The following PRH1 variants were observed in gnomAD, a reference collection of about 807,000 sequenced individuals.
The protein encoded by PRH1 is salivary acidic proline-rich phosphoprotein 1/2.
PRH1 carries 7 observed loss-of-function variants against 7.9 expected under a neutral mutation model. The ratio of observed to expected loss-of-function variants is 0.89; its 90% CI spans 0.50 to 1.67. The LOEUF (loss-of-function observed/expected upper bound fraction) is 1.67. Ranked by LOEUF, PRH1 falls within the 40% of genes most tolerant of loss-of-function variation. PRH1 has a pLI of 0.00. For missense variants in PRH1, 109 were observed against 223.6 expected (o/e 0.49, Z 3.27); for synonymous variants, 45 against 80.8 (o/e 0.56, Z 2.38).
At chr12:11,005,760 T>G (rs912181986) in intron 1 of PRH1, among the ~76,000 whole-genome samples, 1 of 152,102 alleles carries the variant, frequency 6.6e-6, no homozygotes, top group Non-Finnish European at 1.5e-5. Context: ...CCCTTTTCAG[T>G]CAATTTTCAA....
At chr12:11,030,938 A>G in intron 1 of PRH1, 3 of 1,614,294 alleles carry the variant, frequency 1.9e-6, no homozygotes, top group Non-Finnish European at 2.5e-6. Context: ...AGGCCCCAAC[A>G]GCATCACCAG....
chr12:10,991,409 G>C (rs1018025772), intron 1 of PRH1, among the ~76,000 whole-genome samples: 1 of 151,528 alleles, frequency 6.6e-6, no homozygotes, highest in African/African-American at 2.4e-5. Flanking sequence ...AATCTACATG[G>C]CTATTTTAAA....
At chr12:10,927,188 A>G (rs1420835359) in intron 2 of PRH1, among the ~76,000 whole-genome samples, 1 of 152,198 alleles carries the variant, frequency 6.6e-6, no homozygotes, top group East Asian at 1.9e-4. Context: ...TCTGCTGCCA[A>G]GGAGAAATCT....
chr12:10,999,751 G>A (rs11054146), intron 1 of PRH1, among the ~76,000 whole-genome samples: 46,296 of 151,852 alleles, frequency 0.3, 8,908 homozygotes, highest in East Asian at 0.74. Flanking sequence ...TACTTTACCA[G>A]CTAGGTTCAC....
At chr12:10,975,368 A>G (rs1939039026) in intron 1 of PRH1, among the ~76,000 whole-genome samples, 1 of 152,210 alleles carries the variant, frequency 6.6e-6, no homozygotes, top group Non-Finnish European at 1.5e-5. Flanking sequence ...TCAGACAAGC[A>G]AATGCTAAGG....
At chr12:10,922,134 T>C (rs547941716) in intron 2 of PRH1, among the ~76,000 whole-genome samples, 3 of 152,286 alleles carry the variant, frequency 2.0e-5, no homozygotes, top group Admixed American at 6.5e-5. Context: ...ATAAAATAAA[T>C]AGCACACCTA....
chr12:11,161,999 G>A (rs1040446698), intron 1 of PRH1, among the ~76,000 whole-genome samples: 4 of 152,154 alleles, frequency 2.6e-5, no homozygotes, highest in Non-Finnish European at 5.9e-5. Context: ...TAAATTATGA[G>A]TGATTTAATT....
At chr12:11,067,064 C>G (rs1015128180) in intron 1 of PRH1, among the ~76,000 whole-genome samples, 6 of 151,122 alleles carry the variant, frequency 4.0e-5, no homozygotes, top group African/African-American at 1.5e-4. Flanking sequence ...TCTTGCAAGC[C>G]TTTTTCACAT....
At chr12:10,988,094 T>A (rs566878487) in intron 1 of PRH1, among the ~76,000 whole-genome samples, 3 of 152,202 alleles carry the variant, frequency 2.0e-5, no homozygotes, top group South Asian at 4.1e-4. Flanking sequence ...ACTTGATCCA[T>A]CCTAAATTGG....
At chr12:10,992,710 T>G (rs10845275) in intron 1 of PRH1, among the ~76,000 whole-genome samples, 33,971 of 152,072 alleles carry the variant, frequency 0.22, 3,828 homozygotes, top group Non-Finnish European at 0.24. Flanking sequence ...ACCTCACCAG[T>G]CCTGGAGTAT....
intron 1 of PRH1, chr12:11,022,388 T>A (rs1941696211): frequency 3.8e-6 from 6 of 1,589,384 alleles, no homozygotes; most frequent in Admixed American, 3.5e-5. Flanking sequence ...AGGAATAACA[T>A]GACCCAGAGT....
chr12:11,055,811 T>C (rs547318274), intron 1 of PRH1, among the ~76,000 whole-genome samples: 2 of 152,256 alleles, frequency 1.3e-5, no homozygotes, highest in Non-Finnish European at 2.9e-5. Flanking sequence ...CACTGTTATA[T>C]GCAGCTCGGT....
intron 2 of PRH1, among the ~76,000 whole-genome samples, chr12:10,890,328 A>C (rs1003044197): frequency 1.3e-5 from 2 of 152,144 alleles, no homozygotes; most frequent in Non-Finnish European, 2.9e-5. Context: ...AAGACAATAA[A>C]AAGCAGTGCA....
chr12:11,027,666 A>G (rs1322190941), intron 1 of PRH1, among the ~76,000 whole-genome samples: 1 of 152,184 alleles, frequency 6.6e-6, no homozygotes, highest in African/African-American at 2.4e-5. Flanking sequence ...TCTACAGAAG[A>G]TATAGACTCT....
intron 1 of PRH1, among the ~76,000 whole-genome samples, chr12:11,155,460 T>C (rs1418902960): frequency 6.6e-6 from 1 of 152,230 alleles, no homozygotes; most frequent in Non-Finnish European, 1.5e-5. Flanking sequence ...ACTAGAATTT[T>C]ATGTGACATA....
At chr12:10,920,772 C>T (rs373357178) in intron 2 of PRH1, among the ~76,000 whole-genome samples, 15 of 151,874 alleles carry the variant, frequency 9.9e-5, no homozygotes, top group Admixed American at 2.6e-4. Context: ...AATGACCTAA[C>T]GAAATTGTCA....
intron 2 of PRH1, chr12:10,929,359 T>C (rs1489588739): frequency 6.2e-6 from 10 of 1,613,784 alleles, no homozygotes; most frequent in Non-Finnish European, 8.5e-6. Flanking sequence ...TGGGGGAAGA[T>C]ATTGTGACTC....
At chr12:11,117,948 C>A (rs1945776829), downstream of PRH1, among the ~76,000 whole-genome samples, 1 of 152,152 alleles carries the variant, frequency 6.6e-6, no homozygotes, top group African/African-American at 2.4e-5. Flanking sequence ...AGATCTCAAA[C>A]CATGAAGCTC....
chr12:11,050,693 G>C (rs1385411698), upstream of PRH1, among the ~76,000 whole-genome samples: 1 of 152,288 alleles, frequency 6.6e-6, no homozygotes, highest in Admixed American at 6.5e-5. Flanking sequence ...GCTACACTTT[G>C]TCATATAATC....
Sources: gnomAD v4.1 joint callset for allele counts (sites outside exome capture counted in the v4.1 genomes callset) on GRCh38, gnomAD v4.1.1 for gene constraint, MANE v1.5 for transcripts, NCBI Gene and HGNC (gene_info 2026-07-23, HGNC 2026-07-21) for gene names.